SCFD2: variants seen among roughly 807,000 people sequenced by gnomAD.
SCFD2 encodes the protein sec1 family domain containing 2, also known as sec1 family domain-containing protein 2.
In SCFD2, 54 loss-of-function variants were observed where a neutral mutation model predicts 58.9. That is an observed-to-expected ratio of 0.92 (90% CI 0.74 to 1.15). The LOEUF (loss-of-function observed/expected upper bound fraction) is 1.15. Ranked by LOEUF, SCFD2 falls within the 50% of genes most tolerant of loss-of-function variation. SCFD2 has a pLI of 0.00. For missense variants in SCFD2, 805 were observed against 836.6 expected (o/e 0.96, Z 0.47); for synonymous variants, 321 against 335.9 (o/e 0.96, Z 0.49).
intron 4 of SCFD2, among the ~76,000 whole-genome samples, chr4:53,229,253 A>G (rs1045247528): frequency 2.6e-5 from 4 of 152,232 alleles, no homozygotes; most frequent in African/African-American, 7.2e-5. Flanking sequence ...CTTTCTACAC[A>G]GAATTGGAAA....
intron 5 of SCFD2, among the ~76,000 whole-genome samples, chr4:53,127,374 T>C (rs1347145387): frequency 6.6e-6 from 1 of 152,176 alleles, no homozygotes; most frequent in African/African-American, 2.4e-5. Flanking sequence ...CCTTTATTCA[T>C]GCAATAAATA....
At chr4:52,877,114 A>G (rs905045570) in intron 8 of SCFD2, among the ~76,000 whole-genome samples, 2 of 152,196 alleles carry the variant, frequency 1.3e-5, no homozygotes, top group Admixed American at 6.5e-5. Flanking sequence ...GCAATAACTG[A>G]GCCCAAAGAA....
chr4:52,934,258 T>C (rs1720072055), intron 5 of SCFD2, among the ~76,000 whole-genome samples: 1 of 152,180 alleles, frequency 6.6e-6, no homozygotes, highest in South Asian at 2.1e-4. Flanking sequence ...ATGTGCAAAT[T>C]GTTCAGGACC....
intron 5 of SCFD2, among the ~76,000 whole-genome samples, chr4:52,979,174 T>C (rs1000681985): frequency 6.6e-6 from 1 of 151,992 alleles, no homozygotes; most frequent in East Asian, 1.9e-4. Context: ...CCCAGGAGGC[T>C]TTTCCCAAGG....
At chr4:53,201,401 C>T (rs553775749) in intron 4 of SCFD2, among the ~76,000 whole-genome samples, 2 of 152,284 alleles carry the variant, frequency 1.3e-5, no homozygotes, top group South Asian at 2.1e-4. Flanking sequence ...ATATGTGCCA[C>T]ATTTTCTTAA....
At chr4:53,309,859 C>T (rs549625455) in intron 3 of SCFD2, among the ~76,000 whole-genome samples, 2 of 152,262 alleles carry the variant, frequency 1.3e-5, no homozygotes, top group South Asian at 4.1e-4. Flanking sequence ...TTCCAGTTTG[C>T]TTGATAGTCA....
At chr4:52,877,999 G>T (rs1034948088) in intron 8 of SCFD2, among the ~76,000 whole-genome samples, 1 of 152,110 alleles carries the variant, frequency 6.6e-6, no homozygotes, top group African/African-American at 2.4e-5. Flanking sequence ...ATGCTTCTTT[G>T]TCTGGGAGAG....
chr4:53,097,862 T>C (rs1724704796), intron 5 of SCFD2, among the ~76,000 whole-genome samples: 1 of 152,216 alleles, frequency 6.6e-6, no homozygotes, highest in Non-Finnish European at 1.5e-5. Context: ...TTGTCATAAA[T>C]AGCTCTTATT....
chr4:53,332,178 A>G (rs1212036343), intron 2 of SCFD2, among the ~76,000 whole-genome samples: 9 of 150,670 alleles, frequency 6.0e-5, no homozygotes, highest in African/African-American at 2.2e-4. Flanking sequence ...ACAAGGAGGA[A>G]CTGGTACCAT....
chr4:53,173,631 G>T (rs1351447638), intron 4 of SCFD2, among the ~76,000 whole-genome samples: 2 of 152,056 alleles, frequency 1.3e-5, no homozygotes, highest in East Asian at 3.8e-4. Flanking sequence ...ATAATTTGTT[G>T]TCTGGTTGTT....
chr4:53,157,856 T>C (rs1726735767), intron 4 of SCFD2, among the ~76,000 whole-genome samples: 1 of 152,190 alleles, frequency 6.6e-6, no homozygotes, highest in Non-Finnish European at 1.5e-5. Context: ...TCCAGCTTCA[T>C]CTACGTTGTT....
chr4:52,878,566 C>T (rs1350751537), intron 8 of SCFD2, among the ~76,000 whole-genome samples: 2 of 152,160 alleles, frequency 1.3e-5, no homozygotes, highest in Non-Finnish European at 2.9e-5. Flanking sequence ...AACATTTCTA[C>T]ATTATTTGGC....
At chr4:52,957,624 T>C (rs927324332) in intron 5 of SCFD2, 2 of 152,178 alleles carry the variant, frequency 1.3e-5, no homozygotes, top group African/African-American at 2.4e-5. Flanking sequence ...GGCCTCACAA[T>C]GGCAGATGCA....
At chr4:52,931,333 TG>T (rs888580310) in intron 5 of SCFD2, among the ~76,000 whole-genome samples, 4 of 152,164 alleles carry the variant, frequency 2.6e-5, no homozygotes, top group Non-Finnish European at 5.9e-5. Context: ...AGCTGTTGGG[TG>T]GTAGAGCCTG....
intron 4 of SCFD2, among the ~76,000 whole-genome samples, chr4:53,246,594 G>T (rs1421474350): frequency 2.0e-5 from 3 of 152,050 alleles, no homozygotes; most frequent in African/African-American, 7.2e-5. Flanking sequence ...TAAGCAATGG[G>T]GAAAGAACTC....
intron 5 of SCFD2, among the ~76,000 whole-genome samples, chr4:53,043,060 G>A (rs916667994): frequency 3.3e-5 from 5 of 152,158 alleles, no homozygotes; most frequent in Non-Finnish European, 5.9e-5. Flanking sequence ...TTCTGACCAC[G>A]GCAGTGGGTT....
intron 4 of SCFD2, among the ~76,000 whole-genome samples, chr4:53,198,625 T>C (rs1312097319): frequency 3.3e-5 from 5 of 151,988 alleles, no homozygotes; most frequent in Non-Finnish European, 7.4e-5. Context: ...TTGTTTAAGT[T>C]GTTTTGGAGT....
At chr4:53,159,618 T>C (rs1279031317) in intron 4 of SCFD2, among the ~76,000 whole-genome samples, 1 of 152,196 alleles carries the variant, frequency 6.6e-6, no homozygotes, top group African/African-American at 2.4e-5. Context: ...TAGAGTTCTC[T>C]GGTAAGGCAC....
chr4:53,318,430 G>A (rs1387908022), intron 2 of SCFD2, among the ~76,000 whole-genome samples: 1 of 152,160 alleles, frequency 6.6e-6, no homozygotes, highest in East Asian at 1.9e-4. Context: ...AAACATTAGA[G>A]GTTTGCTAAT....
Sources: allele counts gnomAD v4.1 joint callset (sites outside exome capture counted in the v4.1 genomes callset), GRCh38; gene constraint gnomAD v4.1.1; transcripts MANE v1.5; gene names NCBI Gene and HGNC (gene_info 2026-07-23, HGNC 2026-07-21).